The following KAZN variants were observed in gnomAD, a reference collection of about 807,000 sequenced individuals.
KAZN encodes kazrin, periplakin interacting protein, also known as kazrin.
Under a neutral mutation model 87.4 loss-of-function variants are expected in KAZN, and 40 were observed. That is an observed-to-expected ratio of 0.46 (90% confidence interval 0.36 to 0.60). The LOEUF (loss-of-function observed/expected upper bound fraction) is 0.60, where lower values mean the gene tolerates loss of function less well. KAZN is among the 20% of genes least tolerant of loss of function. The pLI is 0.00. For synonymous variants in KAZN, 466 were observed against 458.3 expected (o/e 1.02, Z -0.22); for missense variants, 898 against 1,073.9 (o/e 0.84, Z 2.29).
At chr1:14,190,351 G>C (rs1039685910) in intron 2 of KAZN, among the ~76,000 whole-genome samples, 1 of 152,046 alleles carries the variant, frequency 6.6e-6, no homozygotes, top group Non-Finnish European at 1.5e-5. Context: ...TAATACCCCC[G>C]GTGACTTTGT....
rs1161937437 is a variant in KAZN, at chr1:13,975,142, A to C, written c.91+81386A>C. On this transcript the variant is annotated intron_variant, in intron 1 of 16. Transcript: ENST00000636203. ...TTTACGTTGAGAGCCTACAGTAGGA[A>C]GACAGATCATAGAGTGTGTCAGGGT... is the stretch of plus-strand genomic sequence containing the variant. Among the ~76,000 whole-genome samples the C allele has an allele frequency of 3.3e-5, 5 of 152,186 alleles. No homozygotes were observed. In the East Asian group the frequency reaches 9.6e-4, roughly 29 times the overall value.
intron 2 of KAZN, among the ~76,000 whole-genome samples, chr1:14,398,736 T>C (rs1469575807): frequency 6.6e-6 from 1 of 152,228 alleles, no homozygotes; most frequent in Non-Finnish European, 1.5e-5. Context: ...AAGGGCATTA[T>C]GCTTTTCTCC....
intron 2 of KAZN, among the ~76,000 whole-genome samples, chr1:15,022,897 G>T (rs1180714064): frequency 6.6e-6 from 1 of 152,220 alleles, no homozygotes; most frequent in Non-Finnish European, 1.5e-5. Context: ...GGAAGGGGCA[G>T]ATTAGGATAT....
At chr1:15,027,013 T>G (rs1316405136) in intron 2 of KAZN, among the ~76,000 whole-genome samples, 3 of 148,544 alleles carry the variant, frequency 2.0e-5, no homozygotes, top group Non-Finnish European at 4.5e-5. Flanking sequence ...AGCTGCCGTC[T>G]ACAGATGAGG....
chr1:14,097,808 A>G (rs1570731671), intron 1 of KAZN, among the ~76,000 whole-genome samples: 1 of 152,178 alleles, frequency 6.6e-6, no homozygotes, highest in African/African-American at 2.4e-5. Context: ...ATTCAGTTAA[A>G]CTACTTGAAA....
Position 15,012,079 on chromosome 1 carries a change from T to C in KAZN, c.419-22670T>C, listed in dbSNP as rs1024003516. Reference sequence around the variant, plus strand: ...TGGGCACTCTTGCAGGTCCCTTGCATGTGGAGTAGCCTGTGAAGTAGGAGC... The same window carrying C: ...TGGGCACTCTTGCAGGTCCCTTGCACGTGGAGTAGCCTGTGAAGTAGGAGC... On this transcript the variant is annotated intron_variant, in intron 2 of 14. Coordinates refer to ENST00000376030, the MANE Select transcript of KAZN (RefSeq NM_201628.3). Among the ~76,000 whole-genome samples, 22 of 152,158 alleles carry C rather than the reference T, an allele frequency of 1.4e-4. 1 individual carries two copies. Among genetic ancestry groups the C allele is most frequent in the Admixed American group, 1.4e-3 (21 of 15,284 alleles).
At chr1:14,159,289 G>T (rs974238880) in intron 1 of KAZN, among the ~76,000 whole-genome samples, 1 of 152,164 alleles carries the variant, frequency 6.6e-6, no homozygotes, top group African/African-American at 2.4e-5. Context: ...GTATTCTATT[G>T]TACTGTAGCT....
At chr1:14,767,749 G>A (rs1644921928) in intron 1 of KAZN, among the ~76,000 whole-genome samples, 1 of 152,166 alleles carries the variant, frequency 6.6e-6, no homozygotes, top group Non-Finnish European at 1.5e-5. Context: ...GCAGCCATGG[G>A]AGGGCTCAGT....
intron 1 of KAZN, among the ~76,000 whole-genome samples, chr1:13,896,998 T>C (rs1189529438): frequency 1.3e-5 from 2 of 152,196 alleles, no homozygotes; most frequent in African/African-American, 4.8e-5. Flanking sequence ...GGTGGGGCCA[T>C]GGGAAGAGCA....
chr1:14,408,689 A>C (rs1480969498), intron 2 of KAZN, among the ~76,000 whole-genome samples: 1 of 152,172 alleles, frequency 6.6e-6, no homozygotes, highest in Non-Finnish European at 1.5e-5. Flanking sequence ...TTACTTTCTT[A>C]GAGGCCACAT....
At chr1:14,280,846 A>ACTTCT (rs1652793976) in intron 2 of KAZN, among the ~76,000 whole-genome samples, 1 of 152,144 alleles carries the variant, frequency 6.6e-6, no homozygotes, top group African/African-American at 2.4e-5. Context: ...GGTTCATCCT[A>ACTTCT]CTTCTGCCTC....
chr1:14,048,017 G>C (rs759357304), intron 1 of KAZN, among the ~76,000 whole-genome samples: 4 of 152,184 alleles, frequency 2.6e-5, no homozygotes, highest in Non-Finnish European at 5.9e-5. Flanking sequence ...GCATCTCTCT[G>C]ACCCAGTGGC....
At chr1:14,988,327 G>T (rs972605048) in intron 2 of KAZN, among the ~76,000 whole-genome samples, 3 of 152,228 alleles carry the variant, frequency 2.0e-5, no homozygotes, top group Non-Finnish European at 2.9e-5. Context: ...GCGGGCAGCT[G>T]GCCGCATTCT....
At chr1:14,837,707 A>AC (rs143261955) in intron 1 of KAZN, among the ~76,000 whole-genome samples, 3 of 151,192 alleles carry the variant, frequency 2.0e-5, no homozygotes, top group African/African-American at 7.3e-5. Context: ...ATGTGCCACC[A>AC]CCCCTGGATA....
At position 15,114,711 on chromosome 1, in the gene KAZN, C is replaced by T. The variant is rs1052896978; in HGVS notation, c.*76C>T. On this transcript the variant is annotated 3_prime_UTR_variant, in exon 15 of 15. Coordinates refer to ENST00000376030, the MANE Select transcript of KAZN (RefSeq NM_201628.3). ...AAGCCAGATGGCCCCAGGTGTCGTT[C>T]TCACTGTACATAGCGGCCGCAGGCT... is the stretch of plus-strand genomic sequence containing the variant. The T allele has an allele frequency of 8.3e-6, 12 of 1,437,672 alleles. No individual in the cohort carries two copies. Among genetic ancestry groups the T allele is most frequent in the Middle Eastern group, 2.3e-4 (1 of 4,404 alleles). 89.1% of individuals were successfully genotyped at this position (1,437,672 alleles called of 1,614,324 possible).
chr1:14,033,752 A>G (rs1253434556), intron 1 of KAZN, among the ~76,000 whole-genome samples: 1 of 152,222 alleles, frequency 6.6e-6, no homozygotes, highest in Non-Finnish European at 1.5e-5. Flanking sequence ...TGCAGCCACT[A>G]CAAAACTTCT....
At chr1:14,786,708 A>G (rs1193011707) in intron 1 of KAZN, among the ~76,000 whole-genome samples, 2 of 152,222 alleles carry the variant, frequency 1.3e-5, no homozygotes, top group Non-Finnish European at 2.9e-5. Flanking sequence ...ATACCTTTGT[A>G]TACAGCAATG....
chr1:14,438,446 G>A (rs1666523309), intron 2 of KAZN, among the ~76,000 whole-genome samples: 1 of 152,204 alleles, frequency 6.6e-6, no homozygotes, highest in African/African-American at 2.4e-5. Context: ...CAGGGAACGG[G>A]GCCGGCCAGG....
intron 2 of KAZN, among the ~76,000 whole-genome samples, chr1:15,016,948 G>C (rs1309723276): frequency 6.6e-6 from 1 of 152,036 alleles, no homozygotes; most frequent in Non-Finnish European, 1.5e-5. Context: ...AATTAAACAT[G>C]TGTCATGTGC....
Sources: gnomAD v4.1 joint callset for allele counts (sites outside exome capture counted in the v4.1 genomes callset) on GRCh38, gnomAD v4.1.1 for gene constraint, MANE v1.5 for transcripts, NCBI Gene and HGNC (gene_info 2026-07-23, HGNC 2026-07-21) for gene names.